The following CCDC178 variants were observed in gnomAD, a reference collection of about 807,000 sequenced individuals.
The protein encoded by CCDC178 is coiled-coil domain-containing protein 178.
In CCDC178, 126 loss-of-function variants were observed where a neutral mutation model predicts 117.4. The observed-to-expected ratio is 1.07, with a 90% CI of 0.93 to 1.24. The LOEUF is 1.24. Among genes scored for constraint, CCDC178 ranks in the 50% most tolerant of loss-of-function variants. The pLI is 0.00. For missense variants in CCDC178, 1,030 were observed against 986.9 expected (o/e 1.04, Z -0.59); for synonymous variants, 283 against 313.4 (o/e 0.90, Z 1.02).
At chr18:33,381,350 CA>C (rs1311906213) in intron 5 of CCDC178, among the ~76,000 whole-genome samples, 4 of 152,158 alleles carry the variant, frequency 2.6e-5, no homozygotes, top group Admixed American at 1.3e-4. Context: ...ACTTTGTAAG[CA>C]AAGAATTTAG....
intron 19 of CCDC178, among the ~76,000 whole-genome samples, chr18:33,212,663 C>T (rs541534232): frequency 6.6e-6 from 1 of 151,870 alleles, no homozygotes; most frequent in Non-Finnish European, 1.5e-5. Flanking sequence ...CTTCCTGTTA[C>T]ATAAGATGAT....
At chr18:33,090,559 G>A (rs951892994) in intron 21 of CCDC178, among the ~76,000 whole-genome samples, 1 of 152,044 alleles carries the variant, frequency 6.6e-6, no homozygotes, top group Non-Finnish European at 1.5e-5. Flanking sequence ...TTCCATTTTT[G>A]TTGGCCAAAT....
At chr18:33,292,866 G>A (rs2060185312) in intron 12 of CCDC178, among the ~76,000 whole-genome samples, 1 of 152,004 alleles carries the variant, frequency 6.6e-6, no homozygotes. Context: ...AGACAGAAGT[G>A]CCAGGCTACT....
intron 8 of CCDC178, among the ~76,000 whole-genome samples, chr18:33,346,709 A>C (rs1384068832): frequency 6.6e-6 from 1 of 152,102 alleles, no homozygotes; most frequent in African/African-American, 2.4e-5. Flanking sequence ...GCTATTTATA[A>C]GCTGTACTAT....
intron 20 of CCDC178, among the ~76,000 whole-genome samples, chr18:33,175,786 C>T (rs1365086778): frequency 6.6e-6 from 1 of 152,152 alleles, no homozygotes; most frequent in African/African-American, 2.4e-5. Flanking sequence ...CCTGTCTCTG[C>T]TGGTCTCTAC....
chr18:33,108,929 C>A (rs967919715), intron 20 of CCDC178, among the ~76,000 whole-genome samples: 1 of 151,550 alleles, frequency 6.6e-6, no homozygotes, highest in African/African-American at 2.4e-5. Flanking sequence ...AGCAAGATAT[C>A]CCCTCCAGTT....
Position 33,394,943 on chromosome 18 carries a change from G to GTATATATA in CCDC178, c.118+2198_118+2205dup, listed in dbSNP as rs61298209. On this transcript the variant is annotated intron_variant, in intron 4 of 22. Transcript: ENST00000383096. ...ACTTTAAAAGCCTGTATATGTATGT[G>GTATATATA]TATATATATATATATATATATATAT... Among the ~76,000 whole-genome samples the GTATATATA allele has an allele frequency of 2.1e-3, 129 of 61,492 alleles. 2 individuals are homozygous for GTATATATA. Among genetic ancestry groups the GTATATATA allele is most frequent in the Non-Finnish European group, 2.3e-3 (74 of 32,830 alleles). The allele number at this position is 61,492 out of a possible 152,430, so 40.3% of individuals were successfully genotyped here. A position where few individuals can be genotyped will look rare whatever the true frequency, so the allele number is the denominator to read the frequency against.
At chr18:33,144,546 CA>C (rs375278471) in intron 20 of CCDC178, among the ~76,000 whole-genome samples, 44 of 152,086 alleles carry the variant, frequency 2.9e-4, no homozygotes, top group African/African-American at 1.0e-3. Flanking sequence ...AGCCTATTGT[CA>C]TTATGTCCGG....
At chr18:33,008,181 T>G (rs2055788302) in intron 21 of CCDC178, among the ~76,000 whole-genome samples, 1 of 152,146 alleles carries the variant, frequency 6.6e-6, no homozygotes, top group Non-Finnish European at 1.5e-5. Context: ...GTAACAGGAT[T>G]CAAGTTTTCA....
chr18:33,431,258 T>C (rs1320259956), intron 2 of CCDC178, among the ~76,000 whole-genome samples: 1 of 150,394 alleles, frequency 6.6e-6, no homozygotes, highest in African/African-American at 2.4e-5. Context: ...TAACCATTTA[T>C]ATTATTTGGG....
At position 33,431,751 on chromosome 18, in the gene CCDC178, T is replaced by C. The variant is rs567131009; in HGVS notation, c.-23+8211A>G. ...AACATTATTTTATCAGCTGAAGATA[T>C]TGAATTATTAATTGCATCTGTTCTC... On this transcript the variant is annotated intron_variant, in intron 2 of 22. Coordinates refer to ENST00000383096, the MANE Select transcript of CCDC178 (RefSeq NM_001105528.4). Among the ~76,000 whole-genome samples, 13 of 152,320 alleles carry C rather than the reference T, an allele frequency of 8.5e-5. No individual in the cohort carries two copies. The East Asian group carries it at 1.9e-3, about 23-fold the overall frequency.
In CCDC178 at chr18:33,254,546, T is replaced by A. The variant is rs754587085; in HGVS notation, c.1410-9118A>T. ...AAGGAAACAGGAAACAAAAAACAGA[T>A]TCCAGTGCAATAATAAGACAATAAT... On this transcript the variant is annotated intron_variant, in intron 14 of 22. Transcript: ENST00000383096. 2.0e-5 allele frequency among the ~76,000 whole-genome samples: 3 copies of A among 152,134 alleles called. No homozygotes were observed. The East Asian group carries it at 5.8e-4, about 29-fold the overall frequency.
chr18:33,117,858 G>C (rs1443979671), intron 20 of CCDC178, among the ~76,000 whole-genome samples: 2 of 152,122 alleles, frequency 1.3e-5, no homozygotes, highest in African/African-American at 4.8e-5. Flanking sequence ...ATTCAATCCT[G>C]ATCAATTGGG....
At chr18:32,959,161 A>G (rs531194043) in intron 22 of CCDC178, among the ~76,000 whole-genome samples, 8 of 152,300 alleles carry the variant, frequency 5.3e-5, no homozygotes, top group African/African-American at 1.7e-4. Context: ...ATAAGCACTC[A>G]TTTGGAAAAT....
chr18:33,173,584 G>A (rs17740186), intron 20 of CCDC178, among the ~76,000 whole-genome samples: 9,205 of 152,236 alleles, frequency 0.06, 387 homozygotes, highest in Non-Finnish European at 0.087. Flanking sequence ...TAAAGTTAAT[G>A]TTTCCTGCAT....
chr18:33,140,704 CAG>C lies in CCDC178; in HGVS notation c.2239-47796_2239-47795del, dbSNP rs543344255. 6.2e-3 allele frequency among the ~76,000 whole-genome samples: 950 copies of C among 152,264 alleles called. 5 individuals carry two copies. The highest frequency in any genetic ancestry group is 0.013 in the South Asian group (63 of 4,830). On this transcript the variant is annotated intron_variant, in intron 20 of 22. Coordinates refer to ENST00000383096, the MANE Select transcript of CCDC178 (RefSeq NM_001105528.4). ...TAGAAGGAAGGGACTTGCCTTGTCT[CAG>C]ATGAGACATTGTACTGTGAATTTTG...
rs2144442760 is a variant in CCDC178 at position 33,174,816 on chromosome 18, T to G, written c.2238+37080A>C. Reference sequence around the variant, plus strand: ...ATAGGAGTAACCTTATCTCTCCTTCTTTTTTCTTTTCATTAACCAACAATT... The same window carrying G: ...ATAGGAGTAACCTTATCTCTCCTTCGTTTTTCTTTTCATTAACCAACAATT... On this transcript the variant is annotated intron_variant, in intron 20 of 22. Coordinates refer to ENST00000383096, the MANE Select transcript of CCDC178 (RefSeq NM_001105528.4). 2.0e-5 allele frequency among the ~76,000 whole-genome samples: 3 copies of G among 152,188 alleles called. No individual in the cohort carries two copies. The South Asian group carries it at 6.2e-4, about 32-fold the overall frequency.
At chr18:33,069,667 G>A (rs1194376246) in intron 21 of CCDC178, among the ~76,000 whole-genome samples, 1 of 151,912 alleles carries the variant, frequency 6.6e-6, no homozygotes, top group Admixed American at 6.6e-5. Flanking sequence ...AACAAAAATA[G>A]ACAAATGAAA....
intron 11 of CCDC178, among the ~76,000 whole-genome samples, chr18:33,305,820 T>C (rs1277951656): frequency 9.2e-5 from 14 of 152,008 alleles, no homozygotes; most frequent in Admixed American, 8.5e-4. Flanking sequence ...GAGGATGACA[T>C]ACAGTCTGGA....
Sources: gnomAD v4.1 joint callset for allele counts (sites outside exome capture counted in the v4.1 genomes callset) on GRCh38, gnomAD v4.1.1 for gene constraint, MANE v1.5 for transcripts, NCBI Gene and HGNC (gene_info 2026-07-23, HGNC 2026-07-21) for gene names.